Variants in CDH23 observed in about 807,000 individuals in gnomAD.
CDH23 encodes the protein cadherin related 23, also known as cadherin-23.
CDH23 carries 189 observed loss-of-function variants against 317.1 expected under a neutral mutation model. The ratio of observed to expected loss-of-function variants is 0.60; its 90% CI spans 0.53 to 0.67. The LOEUF is 0.67. Ranked by LOEUF, CDH23 falls within the 30% of genes least tolerant of loss-of-function variation. The pLI, the probability that CDH23 is intolerant of heterozygous loss-of-function variation, is 0.00. For synonymous variants in CDH23, 1,839 were observed against 1,876.8 expected (o/e 0.98, Z 0.52); for missense variants, 4,401 against 4,592.4 (o/e 0.96, Z 1.20).
At chr10:71,702,363 G>C (rs1004107631) in intron 23 of CDH23, among the ~76,000 whole-genome samples, 152 bp downstream of exon 23, 3 of 152,140 alleles carry the variant, frequency 2.0e-5, no homozygotes, top group Non-Finnish European at 4.4e-5. Flanking sequence ...GTGACTCCTA[G>C]AGCACCCTGA....
chr10:71,520,532 A>G (rs1189415500), intron 6 of CDH23, among the ~76,000 whole-genome samples: 8 of 152,250 alleles, frequency 5.3e-5, no homozygotes, highest in Admixed American at 5.2e-4. Flanking sequence ...ACTGGCTTCC[A>G]GAACCTATGA....
intron 14 of CDH23, among the ~76,000 whole-genome samples, chr10:71,666,609 A>G (rs1020135865): frequency 6.1e-5 from 9 of 146,782 alleles, no homozygotes; most frequent in Non-Finnish European, 1.1e-4. Context: ...GCATTTTCCT[A>G]GAAGTGTGGG....
At chr10:71,412,032 G>T (rs1267264553) in intron 1 of CDH23, among the ~76,000 whole-genome samples, 1 of 151,854 alleles carries the variant, frequency 6.6e-6, no homozygotes, top group South Asian at 2.1e-4. Context: ...GCCTATTCTG[G>T]GTATCTGGTA....
chr10:71,712,458 G>T, intron 27 of CDH23: 1 of 576,592 alleles, frequency 1.7e-6, no homozygotes, highest in Non-Finnish European at 3.1e-6. Flanking sequence ...TGGGTTAGAA[G>T]AATGGCTGGC....
chr10:71,751,902 G>A lies in CDH23; in HGVS notation c.4845+9981G>A, dbSNP rs1840013556. On this transcript the variant is annotated intron_variant, in intron 38 of 69. Coordinates refer to ENST00000224721, the MANE Select transcript of CDH23 (RefSeq NM_022124.6). The surrounding 1 kb of genome is among the most constrained non-coding windows in gnomAD (Gnocchi z 4.9). ...AATGGAAGGTCATCTGTGCTGTCCG[G>A]AGCGTGAACTCTGCCCTCCCTGCCC... 1 of 1,535,350 alleles carries A rather than the reference G, an allele frequency of 6.5e-7. No individual in the cohort carries two copies. Among genetic ancestry groups the A allele is most frequent in the Non-Finnish European group, 8.8e-7 (1 of 1,135,692 alleles).
chr10:71,520,505 G>A (rs1854610106), intron 6 of CDH23, among the ~76,000 whole-genome samples: 1 of 152,216 alleles, frequency 6.6e-6, no homozygotes, highest in South Asian at 2.1e-4. Flanking sequence ...AAAGGTGGCT[G>A]GGGAAGATTC....
intron 14 of CDH23, among the ~76,000 whole-genome samples, chr10:71,652,511 T>C (rs73272096): frequency 6.6e-6 from 1 of 152,366 alleles, no homozygotes; most frequent in African/African-American, 2.4e-5. Context: ...GGGTCTCACC[T>C]GGCTGCCCAC....
intron 11 of CDH23, among the ~76,000 whole-genome samples, chr10:71,630,193 T>TA (rs1032876925): frequency 1.3e-5 from 2 of 152,092 alleles, no homozygotes; most frequent in African/African-American, 4.8e-5. Flanking sequence ...AGCTAATTTT[T>TA]AAACTTTTTG....
rs1393666972 is a variant in CDH23, at chr10:71,799,481, C to G, written c.7225-11C>G. 1.7e-5 allele frequency: 28 copies of G among 1,613,888 alleles called. No homozygotes were observed. Among genetic ancestry groups the G allele is most frequent in the Non-Finnish European group, 2.0e-5 (24 of 1,179,898 alleles). ...TTGGCCTACTCTCTCTCCCTGCCCC[C>G]TGGGCTCCAGGAGGCTGTCTTTGAG... On this transcript the variant is annotated splice_polypyrimidine_tract_variant and intron_variant, in intron 51 of 69. Transcript: ENST00000224721.
chr10:71,737,588 G>GT (rs1839601833), intron 34 of CDH23: 1 of 428,156 alleles, frequency 2.3e-6, no homozygotes, highest in African/African-American at 2.0e-5. Flanking sequence ...GGACCTGGGA[G>GT]CCCCTGAACC....
chr10:71,713,893 G>A, intron 28 of CDH23: 1 of 153,404 alleles, frequency 6.5e-6, no homozygotes, highest in Non-Finnish European at 1.5e-5. Flanking sequence ...GGAGGCCCCA[G>A]GGGAAGCAAA....
chr10:71,795,436 C>G (rs902805197), intron 48 of CDH23: 1 of 152,158 alleles, frequency 6.6e-6, no homozygotes, highest in African/African-American at 2.4e-5. Flanking sequence ...GCTCCACGTC[C>G]CTACTCAACT....
At chr10:71,796,391 C>T (rs1170626968) in intron 48 of CDH23, among the ~76,000 whole-genome samples, 1 of 152,174 alleles carries the variant, frequency 6.6e-6, no homozygotes, top group Non-Finnish European at 1.5e-5. Context: ...CAGAAGGAAA[C>T]CCCTTGCTAG....
chr10:71,592,016 C>T (rs1203712961), intron 9 of CDH23, among the ~76,000 whole-genome samples: 8 of 152,114 alleles, frequency 5.3e-5, no homozygotes, highest in African/African-American at 1.9e-4. Context: ...GGACAGTGGA[C>T]AGACGGATCA....
At chr10:71,503,265 T>C (rs1202321221) in intron 3 of CDH23, among the ~76,000 whole-genome samples, 1 of 152,212 alleles carries the variant, frequency 6.6e-6, no homozygotes, top group African/African-American at 2.4e-5. Flanking sequence ...ACAGGGCCGG[T>C]TCCTCAGAGA....
At position 71,570,774 on chromosome 10, in the gene CDH23, C is replaced by T. The variant is rs1206886619; in HGVS notation, c.625-16C>T. 2 of 1,595,412 alleles carry T rather than the reference C, an allele frequency of 1.3e-6. No individual in the cohort carries two copies. Among genetic ancestry groups the T allele is most frequent in the African/African-American group, 2.7e-5 (2 of 74,622 alleles). ...ATCACTCAACCTAAGGCTGTGTGTT[C>T]TCTCCGCTCTCTAAGGATCAAGACA... On this transcript the variant is annotated splice_polypyrimidine_tract_variant and intron_variant, in intron 7 of 69. Transcript: ENST00000224721.
chr10:71,733,683 A>T (rs2132829608), intron 32 of CDH23, among the ~76,000 whole-genome samples: 1 of 152,342 alleles, frequency 6.6e-6, no homozygotes, highest in Non-Finnish European at 1.5e-5. Flanking sequence ...CTCAGACATA[A>T]ATGCTGGGCT....
chr10:71,769,369 T>A (rs762870896), intron 38 of CDH23, among the ~76,000 whole-genome samples: 4 of 152,342 alleles, frequency 2.6e-5, no homozygotes, highest in Non-Finnish European at 5.9e-5. Flanking sequence ...TCCTGTTACG[T>A]TCTTTTATGG....
chr10:71,692,285 G>A (rs964836003), intron 20 of CDH23, among the ~76,000 whole-genome samples: 13 of 152,192 alleles, frequency 8.5e-5, no homozygotes, highest in Non-Finnish European at 1.8e-4. Flanking sequence ...AGCCACCCCC[G>A]CCCTTGCCTC....
Sources: allele counts gnomAD v4.1 joint callset (sites outside exome capture counted in the v4.1 genomes callset), GRCh38; gene constraint gnomAD v4.1.1; non-coding constraint Gnocchi (gnomAD v3.1); transcripts MANE v1.5; gene names NCBI Gene and HGNC (gene_info 2026-07-23, HGNC 2026-07-21).